The following LRRC4C variants were observed in gnomAD, a reference collection of about 807,000 sequenced individuals.
LRRC4C encodes leucine-rich repeat-containing protein 4C.
LRRC4C carries 5 observed loss-of-function variants against 33.6 expected under a neutral mutation model. The observed-to-expected ratio is 0.15, with a 90% CI of 0.08 to 0.31. The LOEUF (loss-of-function observed/expected upper bound fraction) is 0.31, where lower values mean the gene tolerates loss of function less well. Among genes scored for constraint, LRRC4C ranks in the 10% least tolerant of loss-of-function variants. The pLI is 1.00. For missense variants in LRRC4C, 560 were observed against 796.7 expected (o/e 0.70, Z 3.58); for synonymous variants, 329 against 302.0 (o/e 1.09, Z -0.93).
At position 40,454,380 on chromosome 11, in the gene LRRC4C, CT is replaced by C. The variant is rs1482604526; in HGVS notation, c.-269-134660del. 3.6e-4 allele frequency among the ~76,000 whole-genome samples: 55 copies of C among 151,926 alleles called. 2 individuals carry two copies. Among genetic ancestry groups the C allele is most frequent in the African/African-American group, 1.2e-3 (49 of 41,430 alleles). ...AATATGTTGAGTTACAGGTAGTAAA[CT>C]TAGAGAATTTTTTTTTTTTGTATTC... On this transcript the variant is annotated intron_variant, in intron 3 of 6. Coordinates refer to ENST00000528697, the MANE Select transcript of LRRC4C (RefSeq NM_001258419.2).
intron 3 of LRRC4C, among the ~76,000 whole-genome samples, chr11:40,390,076 A>C (rs945970156): frequency 1.3e-5 from 2 of 152,194 alleles, no homozygotes; most frequent in African/African-American, 4.8e-5. Context: ...ATTTATAGGG[A>C]GTTATCACAA....
intron 4 of LRRC4C, among the ~76,000 whole-genome samples, chr11:40,302,427 C>T (rs887801945): frequency 6.6e-5 from 10 of 152,264 alleles, no homozygotes; most frequent in African/African-American, 2.2e-4. Context: ...GGATTTTTCA[C>T]TGCTCATACT....
intron 1 of LRRC4C, among the ~76,000 whole-genome samples, chr11:41,064,477 A>G (rs965141825): frequency 2.9e-4 from 44 of 152,358 alleles, no homozygotes; most frequent in African/African-American, 9.6e-4. Flanking sequence ...CATATTTTGC[A>G]GAGTACACTG....
chr11:40,364,394 AT>A (rs1362679637), intron 3 of LRRC4C, among the ~76,000 whole-genome samples: 9 of 152,268 alleles, frequency 5.9e-5, no homozygotes, highest in Non-Finnish European at 1.2e-4. Flanking sequence ...AGATAAAAAA[AT>A]GACCCAAATT....
intron 2 of LRRC4C, among the ~76,000 whole-genome samples, chr11:40,860,167 A>G (rs1954010428): frequency 6.6e-6 from 1 of 152,156 alleles, no homozygotes; most frequent in Non-Finnish European, 1.5e-5. Flanking sequence ...AAAGAGGTCA[A>G]ACACAGAGGG....
At chr11:41,384,984 C>T (rs1419538494) in intron 1 of LRRC4C, among the ~76,000 whole-genome samples, 1 of 150,044 alleles carries the variant, frequency 6.7e-6, no homozygotes, top group East Asian at 2.0e-4. Context: ...TAAAGAAAAA[C>T]ATATCTCAAG....
At chr11:40,719,829 T>C (rs1397906297) in intron 2 of LRRC4C, among the ~76,000 whole-genome samples, 1 of 152,186 alleles carries the variant, frequency 6.6e-6, no homozygotes, top group Non-Finnish European at 1.5e-5. Context: ...AATATTTCCC[T>C]GACACATTGA....
intron 1 of LRRC4C, among the ~76,000 whole-genome samples, chr11:40,945,026 T>TTC (rs1555012120): frequency 2.8e-5 from 4 of 144,386 alleles, no homozygotes; most frequent in African/African-American, 1.0e-4. Context: ...AGTTTTTCTT[T>TTC]TTTTTTTTTT....
chr11:40,913,125 T>A (rs1227067255), intron 2 of LRRC4C, among the ~76,000 whole-genome samples: 1 of 152,104 alleles, frequency 6.6e-6, no homozygotes, highest in Non-Finnish European at 1.5e-5. Flanking sequence ...ACTGTCAACA[T>A]TAGACAGATC....
intron 1 of LRRC4C, among the ~76,000 whole-genome samples, chr11:41,422,624 T>C (rs745572991): frequency 6.6e-6 from 1 of 152,046 alleles, no homozygotes; most frequent in Admixed American, 6.6e-5. Context: ...CACCCCAGGA[T>C]GTTTTATTAT....
intron 2 of LRRC4C, among the ~76,000 whole-genome samples, chr11:40,865,522 T>C (rs895055185): frequency 2.0e-5 from 3 of 151,132 alleles, no homozygotes; most frequent in East Asian, 1.9e-4. Flanking sequence ...TATATATATA[T>C]ATATATATAT....
chr11:40,870,215 T>C lies in LRRC4C; in HGVS notation c.-407+63420A>G, dbSNP rs987873841. 7.2e-5 allele frequency among the ~76,000 whole-genome samples: 11 copies of C among 152,138 alleles called. No individual in the cohort carries two copies. In the South Asian group the frequency reaches 1.4e-3, roughly 20 times the overall value. On this transcript the variant is annotated intron_variant, in intron 2 of 6. Coordinates refer to ENST00000528697, the MANE Select transcript of LRRC4C (RefSeq NM_001258419.2). ...AATAGTCTTTTTATCTGCAGAATAT[T>C]TTATAGTTTTCAAAAAAATTCCAAT...
At chr11:40,507,221 G>A (rs1204085567) in intron 3 of LRRC4C, among the ~76,000 whole-genome samples, 1 of 152,010 alleles carries the variant, frequency 6.6e-6, no homozygotes, top group African/African-American at 2.4e-5. Flanking sequence ...TAAAGACTGA[G>A]AAATATATAT....
intron 1 of LRRC4C, among the ~76,000 whole-genome samples, chr11:41,341,784 C>T (rs1346163721): frequency 6.6e-6 from 1 of 152,196 alleles, no homozygotes; most frequent in African/African-American, 2.4e-5. Context: ...GTAAACCATG[C>T]CCGAAGTGAA....
At position 41,409,826 on chromosome 11, in the gene LRRC4C, T is replaced by C. The variant is rs529695878; in HGVS notation, c.-496+49605A>G. Among the ~76,000 whole-genome samples, 882 of 152,176 alleles carry C rather than the reference T, an allele frequency of 5.8e-3. 8 individuals are homozygous for C. Among genetic ancestry groups the C allele is most frequent in the African/African-American group, 0.02 (851 of 41,522 alleles). Reference sequence around the variant, plus strand: ...ACTGACCCGTTTATAATCCAAAAAATTGCGAAAAAAAATGAACTGAATATT... The same window carrying C: ...ACTGACCCGTTTATAATCCAAAAAACTGCGAAAAAAAATGAACTGAATATT... On this transcript the variant is annotated intron_variant, in intron 1 of 6. Transcript: ENST00000528697.
intron 1 of LRRC4C, among the ~76,000 whole-genome samples, chr11:41,051,540 A>AAAAAAAAAAAAAAAAAAAAAAAG: frequency 7.1e-6 from 1 of 141,128 alleles, no homozygotes; most frequent in African/African-American, 2.5e-5. Context: ...AAAAAAAAAA[A>AAAAAAAAAAAAAAAAAAAAAAAG]AAAAAAAAAA....
chr11:40,929,891 G>T (rs1479734351), intron 2 of LRRC4C, among the ~76,000 whole-genome samples: 1 of 151,794 alleles, frequency 6.6e-6, no homozygotes, highest in Admixed American at 6.6e-5. Context: ...ATCCTAAACA[G>T]TTACATTTAA....
chr11:40,452,311 A>G (rs1419353858), intron 3 of LRRC4C, among the ~76,000 whole-genome samples: 2 of 152,212 alleles, frequency 1.3e-5, no homozygotes, highest in African/African-American at 4.8e-5. Flanking sequence ...CAGAATCTAC[A>G]AAGAACTCAA....
At chr11:40,960,496 C>A (rs1456260694) in intron 1 of LRRC4C, among the ~76,000 whole-genome samples, 1 of 151,532 alleles carries the variant, frequency 6.6e-6, no homozygotes, top group Non-Finnish European at 1.5e-5. Flanking sequence ...GTGGGAAAGC[C>A]CATGGGTTAT....
Sources: allele counts gnomAD v4.1 joint callset (sites outside exome capture counted in the v4.1 genomes callset), GRCh38; gene constraint gnomAD v4.1.1; transcripts MANE v1.5; gene names NCBI Gene and HGNC (gene_info 2026-07-23, HGNC 2026-07-21).